Variants in DENND1A observed in about 807,000 individuals in gnomAD.
The protein encoded by DENND1A is DENN domain containing 1A, also known as DENN domain-containing protein 1A.
DENND1A carries 51 observed loss-of-function variants against 113.7 expected under a neutral mutation model. That is an observed-to-expected ratio of 0.45 (90% confidence interval 0.36 to 0.57). The LOEUF (loss-of-function observed/expected upper bound fraction) is 0.57. Ranked by LOEUF, DENND1A falls within the 20% of genes least tolerant of loss-of-function variation. The probability of loss-of-function intolerance (pLI) is 0.00; values close to 1 mark genes in which losing one functional copy is unlikely to be tolerated. For synonymous variants in DENND1A, 565 were observed against 570.8 expected (o/e 0.99, Z 0.14); for missense variants, 1,258 against 1,395.9 (o/e 0.90, Z 1.57).
chr9:123,480,142 G>C (rs375347029), intron 13 of DENND1A, among the ~76,000 whole-genome samples: 6 of 152,178 alleles, frequency 3.9e-5, no homozygotes, highest in East Asian at 3.9e-4. Flanking sequence ...CCCTCCATCT[G>C]ACTCTGTGAG....
chr9:123,401,466 T>A, intron 21 of DENND1A: 1 of 1,144,014 alleles, frequency 8.7e-7, no homozygotes, highest in Non-Finnish European at 1.1e-6. Flanking sequence ...CAGAAACCCT[T>A]GGAATGATGT....
At chr9:123,883,300 TG>T (rs1848571907) in intron 1 of DENND1A, among the ~76,000 whole-genome samples, 1 of 152,204 alleles carries the variant, frequency 6.6e-6, no homozygotes, top group South Asian at 2.1e-4. Context: ...CCCTGGTGCC[TG>T]GGAAGTGACT....
At chr9:123,450,336 C>T (rs2047629092) in intron 18 of DENND1A, among the ~76,000 whole-genome samples, 1 of 152,198 alleles carries the variant, frequency 6.6e-6, no homozygotes, top group Admixed American at 6.5e-5. Context: ...TACAACCGGC[C>T]CTGGGGCAGA....
intron 9 of DENND1A, among the ~76,000 whole-genome samples, chr9:123,641,256 A>G (rs949577609): frequency 2.0e-5 from 3 of 152,200 alleles, no homozygotes; most frequent in African/African-American, 7.2e-5. Flanking sequence ...TAAGATGTCA[A>G]TGACTTAAAT....
intron 1 of DENND1A, among the ~76,000 whole-genome samples, chr9:123,879,247 T>C (rs1030978849): frequency 2.0e-5 from 3 of 152,028 alleles, no homozygotes; most frequent in African/African-American, 7.3e-5. Flanking sequence ...TATATATATA[T>C]ACAGGTCAGG....
chr9:123,664,318 C>T (rs1051989060), intron 8 of DENND1A, among the ~76,000 whole-genome samples: 1 of 152,126 alleles, frequency 6.6e-6, no homozygotes, highest in Non-Finnish European at 1.5e-5. Context: ...CTCAGGCCAA[C>T]TATCATTTGT....
intron 5 of DENND1A, among the ~76,000 whole-genome samples, chr9:123,715,489 G>A (rs1268730855): frequency 6.6e-6 from 1 of 152,116 alleles, no homozygotes; most frequent in East Asian, 1.9e-4. Context: ...GAACAAAGGA[G>A]ACACTTAACA....
At chr9:123,591,125 T>A (rs969950899) in intron 11 of DENND1A, among the ~76,000 whole-genome samples, 2 of 152,226 alleles carry the variant, frequency 1.3e-5, no homozygotes, top group Non-Finnish European at 2.9e-5. Flanking sequence ...AAACACTCTA[T>A]CTTTGGTGTC....
intron 2 of DENND1A, among the ~76,000 whole-genome samples, chr9:123,814,578 C>G (rs1045040483): frequency 6.6e-6 from 1 of 152,054 alleles, no homozygotes; most frequent in African/African-American, 2.4e-5. Flanking sequence ...CAAAGCCATA[C>G]AATAATAATA....
chr9:123,792,772 C>T (rs1218157311), intron 2 of DENND1A, 142 bp from the exon 3 acceptor site: 2 of 781,614 alleles, frequency 2.6e-6, no homozygotes, highest in Admixed American at 5.9e-5. Context: ...TGTTGATGAG[C>T]ACAAGGAAGG....
chr9:123,495,924 G>C (rs1564599614), intron 13 of DENND1A, among the ~76,000 whole-genome samples: 1 of 152,186 alleles, frequency 6.6e-6, no homozygotes, highest in African/African-American at 2.4e-5. Flanking sequence ...AATGTTGTCC[G>C]CTCAAATCAT....
intron 5 of DENND1A, among the ~76,000 whole-genome samples, chr9:123,695,054 A>G (rs2065423210): frequency 6.6e-6 from 1 of 152,156 alleles, no homozygotes; most frequent in Non-Finnish European, 1.5e-5. Flanking sequence ...CTCCCAGCCT[A>G]CAACTTACTC....
At chr9:123,509,023 A>G (rs2053216512) in intron 13 of DENND1A, among the ~76,000 whole-genome samples, 1 of 152,184 alleles carries the variant, frequency 6.6e-6, no homozygotes, top group Non-Finnish European at 1.5e-5. Flanking sequence ...CCGTGAAGGA[A>G]TGGAACATGA....
chr9:123,851,909 G>A (rs1843425638), intron 2 of DENND1A, among the ~76,000 whole-genome samples: 1 of 152,154 alleles, frequency 6.6e-6, no homozygotes, highest in African/African-American at 2.4e-5. Flanking sequence ...TTTAAAGAAG[G>A]ACGATTCAGA....
chr9:123,820,281 G>A (rs890357334), intron 2 of DENND1A, among the ~76,000 whole-genome samples: 15 of 152,170 alleles, frequency 9.9e-5, no homozygotes, highest in African/African-American at 3.6e-4. Flanking sequence ...GGCTGACTTC[G>A]TGACTTGCTT....
intron 13 of DENND1A, among the ~76,000 whole-genome samples, chr9:123,521,929 G>A (rs982969465): frequency 9.2e-5 from 14 of 152,168 alleles, no homozygotes; most frequent in Admixed American, 5.9e-4. Context: ...TGTCTAGTAC[G>A]CTGCCTGGCA....
intron 13 of DENND1A, among the ~76,000 whole-genome samples, chr9:123,464,030 C>T (rs1039193273): frequency 1.2e-4 from 19 of 152,078 alleles, no homozygotes; most frequent in Non-Finnish European, 2.6e-4. Flanking sequence ...ACATGTTTAC[C>T]TGTGTAATAA....
rs574532614 is a variant in DENND1A at position 123,899,270 on chromosome 9, G to A, written c.18-20249C>T. ...ACAATCAACCAAATTCATCCTTCTC[G>A]ACCTCAATGCCAGTTCTCCCTCCTG... is the stretch of plus-strand genomic sequence containing the variant. On this transcript the variant is annotated intron_variant, in intron 1 of 23. Coordinates refer to ENST00000394215, the MANE Select transcript of DENND1A (RefSeq NM_001352964.2). Among the ~76,000 whole-genome samples the A allele has an allele frequency of 3.9e-5, 6 of 152,020 alleles. No homozygotes were observed. In the South Asian group the frequency reaches 1.0e-3, roughly 26 times the overall value.
chr9:123,710,534 AACACACACAC>A (rs59599155), intron 5 of DENND1A, among the ~76,000 whole-genome samples: 62 of 116,738 alleles, frequency 5.3e-4, no homozygotes, highest in Non-Finnish European at 9.0e-4. Flanking sequence ...AGCCTCATTA[AACACACACAC>A]ACACACACAC....
Sources: gnomAD v4.1 joint callset for allele counts (sites outside exome capture counted in the v4.1 genomes callset) on GRCh38, gnomAD v4.1.1 for gene constraint, MANE v1.5 for transcripts, NCBI Gene and HGNC (gene_info 2026-07-23, HGNC 2026-07-21) for gene names.